The following ACOXL variants were observed in gnomAD, a reference collection of about 807,000 sequenced individuals.
The protein encoded by ACOXL is acyl-CoA oxidase like, also known as acyl-coenzyme A oxidase-like protein.
ACOXL carries 70 observed loss-of-function variants against 71.9 expected under a neutral mutation model. The observed-to-expected ratio is 0.97, with a 90% CI of 0.80 to 1.19. ACOXL has a LOEUF of 1.19. ACOXL is among the 50% of genes most tolerant of loss of function. ACOXL has a pLI of 0.00. For synonymous variants in ACOXL, 253 were observed against 281.6 expected (o/e 0.90, Z 1.02); for missense variants, 703 against 736.3 (o/e 0.95, Z 0.52).
At chr2:110,833,172 T>C (rs1467349079) in intron 9 of ACOXL, among the ~76,000 whole-genome samples, 1 of 152,244 alleles carries the variant, frequency 6.6e-6, no homozygotes, top group Admixed American at 6.5e-5. Flanking sequence ...ATAACCCAGA[T>C]ATCTTTCAAC....
chr2:110,956,050 G>T (rs749296241), intron 12 of ACOXL, among the ~76,000 whole-genome samples: 1 of 150,062 alleles, frequency 6.7e-6, no homozygotes, highest in Admixed American at 6.7e-5. Context: ...GCAATTCTGC[G>T]TCAGCCTCCT....
intron 16 of ACOXL, among the ~76,000 whole-genome samples, chr2:111,060,337 A>AC (rs1190386376): frequency 6.6e-6 from 1 of 151,924 alleles, no homozygotes; most frequent in East Asian, 1.9e-4. Context: ...TAATGAGGCC[A>AC]CCCCCTGGTA....
chr2:110,820,925 T>C (rs911535084), intron 9 of ACOXL, among the ~76,000 whole-genome samples: 1 of 152,160 alleles, frequency 6.6e-6, no homozygotes, highest in Admixed American at 6.5e-5. Flanking sequence ...GGATTGGGAA[T>C]ATGTCCTCCC....
rs545922580 is a variant in ACOXL at position 110,759,600 on chromosome 2, C to T, written c.-22-8768C>T. ...GGATAGGTCTCTTGAAGACAACATA[C>T]TGATGGGTCTTGGCGCTTTATCCAG... is the stretch of plus-strand genomic sequence containing the variant. On this transcript the variant is annotated intron_variant, in intron 1 of 17. Coordinates refer to ENST00000439055, the MANE Select transcript of ACOXL (RefSeq NM_001142807.4). 6.6e-5 allele frequency among the ~76,000 whole-genome samples: 10 copies of T among 152,252 alleles called. No homozygotes were observed. The South Asian group carries it at 2.1e-3, about 32-fold the overall frequency.
At chr2:110,856,292 T>C (rs1242124626) in intron 10 of ACOXL, among the ~76,000 whole-genome samples, 1 of 152,196 alleles carries the variant, frequency 6.6e-6, no homozygotes, top group Non-Finnish European at 1.5e-5. Context: ...CATCCCATCC[T>C]GAATGGAATC....
intron 14 of ACOXL, among the ~76,000 whole-genome samples, chr2:111,007,774 G>A (rs1205328503): frequency 1.3e-5 from 2 of 152,280 alleles, no homozygotes; most frequent in East Asian, 3.9e-4. Flanking sequence ...CCAAAGCTAT[G>A]AAGTAAACTC....
At chr2:111,056,365 T>G (rs1237309055) in intron 16 of ACOXL, among the ~76,000 whole-genome samples, 1 of 152,110 alleles carries the variant, frequency 6.6e-6, no homozygotes, top group Non-Finnish European at 1.5e-5. Flanking sequence ...CAAGCCTATG[T>G]CAAGTATTCT....
At chr2:110,958,662 T>C (rs2061591227) in intron 12 of ACOXL, among the ~76,000 whole-genome samples, 1 of 152,148 alleles carries the variant, frequency 6.6e-6, no homozygotes, top group South Asian at 2.1e-4. Context: ...AGGGATCCCA[T>C]GGGCAGCAGA....
intron 1 of ACOXL, among the ~76,000 whole-genome samples, chr2:110,753,664 A>C (rs1161895027): frequency 6.6e-6 from 1 of 152,244 alleles, no homozygotes; most frequent in African/African-American, 2.4e-5. Flanking sequence ...ATTATGAATA[A>C]AGCTGATAAG....
intron 1 of ACOXL, among the ~76,000 whole-genome samples, chr2:110,749,903 AT>A (rs1678702143): frequency 6.6e-6 from 1 of 152,134 alleles, no homozygotes; most frequent in Non-Finnish European, 1.5e-5. Flanking sequence ...CATGCTTTCC[AT>A]GACCTGGCTG....
At chr2:110,768,491 G>A (rs747580641) in intron 2 of ACOXL, 27 bp downstream of exon 2, 6 of 1,512,004 alleles carry the variant, frequency 4.0e-6, no homozygotes, top group African/African-American at 1.6e-5. Context: ...TTCTGGTATG[G>A]TTGTGTGTGT....
chr2:110,742,199 G>A (rs1677636621), intron 1 of ACOXL, among the ~76,000 whole-genome samples: 1 of 152,162 alleles, frequency 6.6e-6, no homozygotes, highest in African/African-American at 2.4e-5. Flanking sequence ...GCATGTTTTT[G>A]ATATGGGTAA....
chr2:110,737,128 A>AATTC (rs1360263976), intron 1 of ACOXL, among the ~76,000 whole-genome samples: 1 of 152,186 alleles, frequency 6.6e-6, no homozygotes, highest in Non-Finnish European at 1.5e-5. Flanking sequence ...TTTGAAATTG[A>AATTC]ATTCTTATTT....
At chr2:111,043,670 G>A (rs1012677408) in intron 15 of ACOXL, among the ~76,000 whole-genome samples, 13 of 152,190 alleles carry the variant, frequency 8.5e-5, no homozygotes, top group Non-Finnish European at 1.3e-4. Flanking sequence ...GTGAGGAGAC[G>A]TGGGGCCCTC....
intron 16 of ACOXL, among the ~76,000 whole-genome samples, chr2:111,089,388 C>G (rs2068401769): frequency 6.6e-6 from 1 of 152,176 alleles, no homozygotes; most frequent in Non-Finnish European, 1.5e-5. Context: ...GCTAGAGAAA[C>G]AAGAGTCAGG....
At chr2:111,102,748 A>G (rs948365527) in intron 17 of ACOXL, among the ~76,000 whole-genome samples, 4 of 152,208 alleles carry the variant, frequency 2.6e-5, no homozygotes, top group African/African-American at 9.7e-5. Flanking sequence ...CAGGGAATTT[A>G]AATAAATTAC....
intron 14 of ACOXL, among the ~76,000 whole-genome samples, chr2:111,026,414 G>A (rs1190008644): frequency 6.6e-6 from 1 of 151,782 alleles, no homozygotes; most frequent in African/African-American, 2.4e-5. Flanking sequence ...TGAACACAAT[G>A]TATAGTTCTC....
At chr2:110,930,871 C>T (rs1459679782) in intron 11 of ACOXL, among the ~76,000 whole-genome samples, 44 of 152,198 alleles carry the variant, frequency 2.9e-4, no homozygotes, top group Non-Finnish European at 4.4e-5. Flanking sequence ...CCTTGTGAAA[C>T]TGTGTGTCCA....
chr2:110,976,849 A>G (rs947714530), intron 12 of ACOXL, among the ~76,000 whole-genome samples: 1 of 152,180 alleles, frequency 6.6e-6, no homozygotes, highest in African/African-American at 2.4e-5. Flanking sequence ...TCCAGGAAAA[A>G]CAAAACCACT....
Sources: gnomAD v4.1 joint callset for allele counts (sites outside exome capture counted in the v4.1 genomes callset) on GRCh38, gnomAD v4.1.1 for gene constraint, MANE v1.5 for transcripts, NCBI Gene and HGNC (gene_info 2026-07-23, HGNC 2026-07-21) for gene names.